FNDC3A: variants seen among roughly 807,000 people sequenced by gnomAD.
FNDC3A encodes fibronectin type-III domain-containing protein 3A.
FNDC3A carries 32 observed loss-of-function variants against 148.9 expected under a neutral mutation model. The observed-to-expected ratio is 0.21, with a 90% CI of 0.16 to 0.29. The LOEUF (loss-of-function observed/expected upper bound fraction) is 0.29, where lower values mean the gene tolerates loss of function less well. Among genes scored for constraint, FNDC3A ranks in the 10% least tolerant of loss-of-function variants. The pLI is 1.00. For synonymous variants in FNDC3A, 472 were observed against 473.6 expected, an observed-to-expected ratio of 1.00 and a Z score of 0.04; for missense variants, 1,191 against 1,452.8, an observed-to-expected ratio of 0.82 and a Z score of 2.93.
rs565533202 is a variant in FNDC3A at position 49,099,485 on chromosome 13, G to A, written c.176-15170G>A. Among the ~76,000 whole-genome samples, 53 of 152,196 alleles carry A rather than the reference G, an allele frequency of 3.5e-4. 1 individual carries two copies. The highest frequency in any genetic ancestry group is 1.2e-3 in the African/African-American group (48 of 41,542). On this transcript the variant is annotated intron_variant, in intron 3 of 25. Coordinates refer to ENST00000492622, the MANE Select transcript of FNDC3A (RefSeq NM_001079673.2). ...CCACTTGGTGTCACCAGGGCACCAA[G>A]TGGAAGGACCAGTGGGAAGCATATA...
intron 2 of FNDC3A, among the ~76,000 whole-genome samples, chr13:49,047,372 T>C (rs899521617): frequency 1.3e-5 from 2 of 152,174 alleles, no homozygotes; most frequent in Admixed American, 1.3e-4. Flanking sequence ...AGATTTACTT[T>C]TAGTTCTTTA....
At chr13:49,156,606 T>C (rs1274102168) in intron 8 of FNDC3A, among the ~76,000 whole-genome samples, 3 of 151,282 alleles carry the variant, frequency 2.0e-5, no homozygotes, top group Non-Finnish European at 4.4e-5. Context: ...ATGCAGTTTC[T>C]TCCTATTCTC....
Position 49,198,464 on chromosome 13 carries a change from T to C in FNDC3A, c.2877T>C (p.Cys959=). ...PLPPDPPRLE[C]VAFSHQNLKL... The stretch of plus-strand genomic sequence containing the variant: ...CTCCTGATCCACCTCGTCTGGAATG[T>C]GTTGCCTTTAGCCACCAGAACCTTA... Residue 959 remains cysteine (C), a synonymous_variant, in exon 23 of 26, where the codon TGT becomes TGC. Coordinates refer to ENST00000492622, the MANE Select transcript of FNDC3A (RefSeq NM_001079673.2). 6.2e-7 allele frequency: 1 copy of C among 1,614,174 alleles called. No homozygotes were observed. The highest frequency in any genetic ancestry group is 8.5e-7 in the Non-Finnish European group (1 of 1,179,992).
intron 4 of FNDC3A, among the ~76,000 whole-genome samples, chr13:49,115,193 GGAAATAA>G (rs1880863252): frequency 9.3e-6 from 1 of 107,140 alleles, no homozygotes. Context: ...AGGGGGGGGG[GGAAATAA>G]AAAAAAAAAA....
At chr13:49,200,285 A>C (rs1202879364) in intron 23 of FNDC3A, among the ~76,000 whole-genome samples, 1 of 152,204 alleles carries the variant, frequency 6.6e-6, no homozygotes, top group African/African-American at 2.4e-5. Context: ...TTATACATTT[A>C]AAATAACATA....
intron 8 of FNDC3A, among the ~76,000 whole-genome samples, chr13:49,165,037 T>A (rs1884378681): frequency 6.6e-6 from 1 of 152,248 alleles, no homozygotes; most frequent in Non-Finnish European, 1.5e-5. Context: ...ATAATTATGT[T>A]TCTTTGGTAA....
intron 17 of FNDC3A, among the ~76,000 whole-genome samples, chr13:49,190,013 A>G (rs1457643623): frequency 6.6e-6 from 1 of 152,054 alleles, no homozygotes; most frequent in Non-Finnish European, 1.5e-5. Flanking sequence ...CAGCCTTCCA[A>G]GTAGCTGGGA....
rs928141916 is a variant in FNDC3A at position 48,999,086 on chromosome 13, C to T, written c.-39-7066C>T. On this transcript the variant is annotated intron_variant, in intron 1 of 25. Coordinates refer to ENST00000492622, the MANE Select transcript of FNDC3A (RefSeq NM_001079673.2). ...TCAGCTTTAAAGGGCAGGACTGCCCCGCAGCAGAGCCTCATGGGAAGGTCC... is the reference window on the plus strand; with the variant it reads ...TCAGCTTTAAAGGGCAGGACTGCCCTGCAGCAGAGCCTCATGGGAAGGTCC... Among the ~76,000 whole-genome samples the T allele has an allele frequency of 2.6e-5, 4 of 152,166 alleles. No homozygotes were observed. In the South Asian group the frequency reaches 6.2e-4, roughly 24 times the overall value.
Position 49,207,175 on chromosome 13 carries a change from ACT to A in FNDC3A, c.3382_3383del (p.Leu1128GlyfsTer21). On this transcript the variant is annotated frameshift_variant, in exon 26 of 26. Coordinates refer to ENST00000492622, the MANE Select transcript of FNDC3A (RefSeq NM_001079673.2). LOFTEE classifies it high-confidence loss of function. ...GTATGTGCCATTCGCCAGTGCCAAGACTCTCTGGGACACCAGGACCTCGTAGG... is the reference window on the plus strand; with the variant it reads ...GTATGTGCCATTCGCCAGTGCCAAGACTCTGGGACACCAGGACCTCGTAGG... The A allele has an allele frequency of 6.2e-7, 1 of 1,613,962 alleles. No individual in the cohort carries two copies. The highest frequency in any genetic ancestry group is 8.5e-7 in the Non-Finnish European group (1 of 1,179,928).
chr13:49,060,643 C>CAA (rs35534890), intron 2 of FNDC3A, among the ~76,000 whole-genome samples: 13 of 59,726 alleles, frequency 2.2e-4, no homozygotes, highest in Admixed American at 6.7e-4. Flanking sequence ...GACTCGGTCT[C>CAA]AAAAAAAAAA....
chr13:49,197,583 AAC>A (rs572586975), intron 20 of FNDC3A, 140 bp from the exon 21 acceptor site: 33 of 622,252 alleles, frequency 5.3e-5, no homozygotes, highest in East Asian at 4.0e-4. Flanking sequence ...TGTAAAATTG[AAC>A]AGTTTTGATT....
At chr13:49,041,328 ACT>A (rs1257494425) in intron 2 of FNDC3A, among the ~76,000 whole-genome samples, 1 of 151,836 alleles carries the variant, frequency 6.6e-6, no homozygotes, top group Admixed American at 6.6e-5. Context: ...GAATCCTATG[ACT>A]CTTTCTCTGC....
chr13:49,145,857 G>A lies in FNDC3A; in HGVS notation c.899G>A (p.Ser300Asn), dbSNP rs1566282038. The A allele has an allele frequency of 1.2e-6, 2 of 1,613,324 alleles. No individual in the cohort carries two copies. Among genetic ancestry groups the A allele is most frequent in the Non-Finnish European group, 1.7e-6 (2 of 1,179,260 alleles). ...SSLINGETDE[S>N]SVPELYGYEV... ...CTCATTAATGGTGAAACAGATGAAAGTAGTGTACCAGAGCTCTATGGTTAT... is the reference window on the plus strand; with the variant it reads ...CTCATTAATGGTGAAACAGATGAAAATAGTGTACCAGAGCTCTATGGTTAT... Residue 300 changes from serine (S) to asparagine (N), a missense_variant, in exon 8 of 26, where the codon AGT becomes AAT. This residue lies in a region of FNDC3A where 426 missense variants were observed against 473.2 expected (regional missense o/e 0.90). Coordinates refer to ENST00000492622, the MANE Select transcript of FNDC3A (RefSeq NM_001079673.2).
intron 10 of FNDC3A, 21 bp from the exon 11 acceptor site, chr13:49,172,022 G>GT (rs1450411650): frequency 6.3e-7 from 1 of 1,578,750 alleles, no homozygotes. Context: ...TTTTCATTTT[G>GT]TTTTTTGGTG....
intron 1 of FNDC3A, among the ~76,000 whole-genome samples, chr13:48,989,078 A>G (rs1214027317): frequency 6.6e-6 from 1 of 152,202 alleles, no homozygotes; most frequent in Admixed American, 6.5e-5. Flanking sequence ...CTCATAATTC[A>G]CAAGGCATTC....
chr13:49,116,559 C>T (rs1593611526), intron 4 of FNDC3A, among the ~76,000 whole-genome samples: 1 of 152,144 alleles, frequency 6.6e-6, no homozygotes. Flanking sequence ...CTTTGGGAGG[C>T]CAAGGCGGGT....
chr13:49,125,688 G>A (rs1044768811), intron 4 of FNDC3A, among the ~76,000 whole-genome samples: 1 of 152,108 alleles, frequency 6.6e-6, no homozygotes, highest in African/African-American at 2.4e-5. Flanking sequence ...AACTATTAGA[G>A]CATCAACCCA....
chr13:48,999,168 C>G (rs1268626683), intron 1 of FNDC3A, among the ~76,000 whole-genome samples: 1 of 152,170 alleles, frequency 6.6e-6, no homozygotes, highest in Non-Finnish European at 1.5e-5. Context: ...GGTCACCTCA[C>G]TGAGCCATGG....
intron 4 of FNDC3A, among the ~76,000 whole-genome samples, chr13:49,126,772 G>C (rs976513020): frequency 9.2e-5 from 14 of 152,102 alleles, no homozygotes; most frequent in Non-Finnish European, 7.4e-5. Context: ...ATAGTATGTA[G>C]CATTGTTCCA....
Sources: gnomAD v4.1 joint callset for allele counts (sites outside exome capture counted in the v4.1 genomes callset) on GRCh38, gnomAD v4.1.1 for gene constraint, gnomAD v4.1.1 regional missense constraint, MANE v1.5 for transcripts, NCBI Gene and HGNC (gene_info 2026-07-23, HGNC 2026-07-21) for gene names.